The following FBXO38 variants were observed in gnomAD, a reference collection of about 807,000 sequenced individuals.
FBXO38 encodes F-box only protein 38.
Under a neutral mutation model 131.9 loss-of-function variants are expected in FBXO38, and 53 were observed. The ratio of observed to expected loss-of-function variants is 0.40; its 90% CI spans 0.32 to 0.51. The LOEUF (loss-of-function observed/expected upper bound fraction) is 0.51. FBXO38 is among the 20% of genes least tolerant of loss of function. The pLI is 0.53. For synonymous variants in FBXO38, 452 were observed against 505.6 expected, an observed-to-expected ratio of 0.89 and a Z score of 1.42; for missense variants, 1,076 against 1,475.6, an observed-to-expected ratio of 0.73 and a Z score of 4.44.
intron 17 of FBXO38, among the ~76,000 whole-genome samples, chr5:148,436,344 C>T (rs927646327): frequency 4.6e-5 from 7 of 152,128 alleles, no homozygotes; most frequent in Non-Finnish European, 1.0e-4. Context: ...TGTTAGTGCA[C>T]GTTGAGCATC....
In FBXO38 at chr5:148,438,447, A is replaced by G. The variant is rs759970509; in HGVS notation, c.2973A>G (p.Leu991=). The part of the protein sequence containing the change: ...LNMDQVLDQI[L]RMPPERNRII... The stretch of plus-strand genomic sequence containing the variant: ...TGGATCAGGTACTAGACCAGATACT[A>G]AGAATGCCACCCGAGAGAAACCGCA... Residue 991 remains leucine, a synonymous_variant, in exon 18 of 22, where the codon CTA becomes CTG. Transcript: ENST00000340253. 1.9e-6 allele frequency: 3 copies of G among 1,613,942 alleles called. No individual in the cohort carries two copies. Among genetic ancestry groups the G allele is most frequent in the African/African-American group, 1.3e-5 (1 of 74,928 alleles).
intron 10 of FBXO38, 75 bp from the exon 11 acceptor site, chr5:148,415,853 G>A (rs1054645765): frequency 6.8e-7 from 1 of 1,468,984 alleles, no homozygotes; most frequent in Non-Finnish European, 9.5e-7. Flanking sequence ...AAGTCTTTGT[G>A]ACCTGTATCA....
chr5:148,402,269 C>G, intron 4 of FBXO38, 79 bp from the exon 5 acceptor site: 1 of 1,542,876 alleles, frequency 6.5e-7, no homozygotes, highest in South Asian at 1.2e-5. Context: ...CCATTGTGTA[C>G]TTAGCATCTT....
Position 148,412,958 on chromosome 5 carries a change from G to A in FBXO38, c.1094-1178G>A, listed in dbSNP as rs1326933791. Reference sequence around the variant, plus strand: ...GAAGCCCCAAGAGTAGAAACATGGTGTTCATCTCAAAAAACTAAATGCAAG... The same window carrying A: ...GAAGCCCCAAGAGTAGAAACATGGTATTCATCTCAAAAAACTAAATGCAAG... On this transcript the variant is annotated intron_variant, in intron 9 of 21. Transcript: ENST00000340253. Among the ~76,000 whole-genome samples the A allele has an allele frequency of 1.3e-5, 2 of 152,038 alleles. 1 individual carries two copies. Among genetic ancestry groups the A allele is most frequent in the Non-Finnish European group, 2.9e-5 (2 of 68,012 alleles).
chr5:148,398,348 TAAA>T (rs748832692), intron 2 of FBXO38, among the ~76,000 whole-genome samples: 15 of 150,372 alleles, frequency 1.0e-4, no homozygotes, highest in South Asian at 6.3e-4. Context: ...GAAAAGATAA[TAAA>T]GAAGAATGGA....
Position 148,427,409 on chromosome 5 carries a change from C to T in FBXO38, c.2115C>T (p.Ser705=). 1 of 1,614,186 alleles carries T rather than the reference C, an allele frequency of 6.2e-7. No individual in the cohort carries two copies. Among genetic ancestry groups the T allele is most frequent in the African/African-American group, 1.3e-5 (1 of 75,052 alleles). Residue 705 remains serine (S), a synonymous_variant, in exon 15 of 22, where the codon AGC becomes AGT. Coordinates refer to ENST00000340253, the MANE Select transcript of FBXO38 (RefSeq NM_205836.3). ...ACAAGGATGTTTATCCCAGCTGCAG[C>T]AGCACCACCGCCAGCACAGTGGGAA... is the stretch of plus-strand genomic sequence containing the variant. ...KKNKDVYPSC[S]STTASTVGNS...
At chr5:148,432,689 T>TA in intron 15 of FBXO38, among the ~76,000 whole-genome samples, 1 of 152,244 alleles carries the variant, frequency 6.6e-6, no homozygotes, top group East Asian at 1.9e-4. Flanking sequence ...AAGTGTTGAG[T>TA]GCCAGTTCAT....
chr5:148,422,830 G>A (rs1054881217), intron 12 of FBXO38, among the ~76,000 whole-genome samples: 17 of 152,096 alleles, frequency 1.1e-4, no homozygotes, highest in Non-Finnish European at 2.5e-4. Flanking sequence ...GTTTCCCTCT[G>A]CCTACTGCAA....
rs561727842 is a variant in FBXO38 at position 148,402,314 on chromosome 5, C to A, written c.427-34C>A. On this transcript the variant is annotated intron_variant, in intron 4 of 21. Transcript: ENST00000340253. The stretch of plus-strand genomic sequence containing the variant: ...AAAGCTTTGGATGCTAAACTAAAGT[C>A]TTTTCTTATGCTTGCTTTGGCATTA... The A allele has an allele frequency of 4.4e-6, 7 of 1,578,602 alleles. No homozygotes were observed. In the African/African-American group the frequency reaches 6.8e-5, roughly 15 times the overall value.
chr5:148,417,622 T>C (rs558327264), intron 12 of FBXO38, among the ~76,000 whole-genome samples: 1 of 152,316 alleles, frequency 6.6e-6, no homozygotes, highest in African/African-American at 2.4e-5. Context: ...CATTGGCACC[T>C]TTCATGTACC....
At chr5:148,397,097 A>T (rs1321920919) in intron 2 of FBXO38, among the ~76,000 whole-genome samples, 1 of 152,142 alleles carries the variant, frequency 6.6e-6, no homozygotes, top group Non-Finnish European at 1.5e-5. Context: ...AAAACAAACA[A>T]TTTTGTTTCA....
At chr5:148,403,494 A>G (rs1323958633) in intron 5 of FBXO38, among the ~76,000 whole-genome samples, 1 of 152,130 alleles carries the variant, frequency 6.6e-6, no homozygotes, top group African/African-American at 2.4e-5. Flanking sequence ...TACAATCAGT[A>G]CTACCATCTT....
At chr5:148,426,743 C>T (rs979396336) in intron 14 of FBXO38, among the ~76,000 whole-genome samples, 1 of 152,118 alleles carries the variant, frequency 6.6e-6, no homozygotes, top group Non-Finnish European at 1.5e-5. Context: ...AAGTTCTAGT[C>T]TAGTTGAAGA....
chr5:148,394,671 G>T (rs1758383825), intron 1 of FBXO38, 43 bp from the exon 2 acceptor site: 2 of 1,008,516 alleles, frequency 2.0e-6, no homozygotes, highest in South Asian at 5.6e-5. Flanking sequence ...GTTTTAGTAG[G>T]GGGTGTGTTT....
chr5:148,424,548 C>T (rs1346742920), intron 13 of FBXO38, among the ~76,000 whole-genome samples: 7 of 152,140 alleles, frequency 4.6e-5, no homozygotes, highest in South Asian at 4.1e-4. Context: ...TGACTTAAGA[C>T]AGGATATAGA....
intron 12 of FBXO38, among the ~76,000 whole-genome samples, chr5:148,423,565 G>A (rs192568181): frequency 2.0e-5 from 3 of 152,142 alleles, no homozygotes; most frequent in African/African-American, 7.2e-5. Context: ...TATAGATATT[G>A]CAGGCTAGAG....
chr5:148,441,907 A>C (rs1754705352), intron 21 of FBXO38, 62 bp from the exon 22 acceptor site: 1 of 1,444,700 alleles, frequency 6.9e-7, no homozygotes, highest in Admixed American at 1.9e-5. Flanking sequence ...CCAGCTTATC[A>C]GTGATTTTCC....
In FBXO38 at chr5:148,416,004, G is replaced by C. The variant is rs1255972131; in HGVS notation, c.1341G>C (p.Gln447His). The C allele has an allele frequency of 2.5e-6, 4 of 1,612,786 alleles. No homozygotes were observed. Residue 447 changes from glutamine (Q) to histidine (H), a missense_variant, in exon 11 of 22, where the codon CAG (glutamine) becomes CAC (histidine). Around this residue, in one of 8 missense-constraint regions of FBXO38, gnomAD observed 146 missense variants for 274.3 expected, o/e 0.53. Coordinates refer to ENST00000340253, the MANE Select transcript of FBXO38 (RefSeq NM_205836.3). ...CHALKLDSFG[Q>H]FIELLPSLEF... ...CTTTGAAGCTGGACTCTTTTGGCCA[G>C]TTTATTGAATTATTACCCAGCCTAG...
Position 148,412,016 on chromosome 5 carries a change from G to T in FBXO38, c.1093+1251G>T, listed in dbSNP as rs1345609908. Among the ~76,000 whole-genome samples, 4 of 152,278 alleles carry T rather than the reference G, an allele frequency of 2.6e-5. No homozygotes were observed. In the South Asian group the frequency reaches 8.3e-4, roughly 32 times the overall value. Reference sequence around the variant, plus strand: ...GATGGCCAAATTTAGGTCTACTGAAGAATTGTCTTCAAGTGTTAACTTCAT... The same window carrying T: ...GATGGCCAAATTTAGGTCTACTGAATAATTGTCTTCAAGTGTTAACTTCAT... On this transcript the variant is annotated intron_variant, in intron 9 of 21. Transcript: ENST00000340253.
Sources: allele counts gnomAD v4.1 joint callset (sites outside exome capture counted in the v4.1 genomes callset), GRCh38; gene constraint gnomAD v4.1.1; regional missense constraint gnomAD v4.1.1; transcripts MANE v1.5; gene names NCBI Gene and HGNC (gene_info 2026-07-23, HGNC 2026-07-21).